FGFR1OP2: variants seen among roughly 807,000 people sequenced by gnomAD.
The protein encoded by FGFR1OP2 is FGFR1 oncogene partner 2.
Under a neutral mutation model 35.2 loss-of-function variants are expected in FGFR1OP2, and 17 were observed. That is an observed-to-expected ratio of 0.48 (90% confidence interval 0.33 to 0.73). The LOEUF is 0.73. FGFR1OP2 is among the 30% of genes least tolerant of loss of function. FGFR1OP2 has a pLI of 0.02. For synonymous variants in FGFR1OP2, 105 were observed against 104.6 expected (o/e 1.00, Z -0.03); for missense variants, 251 against 307.3 (o/e 0.82, Z 1.37).
chr12:26,954,239 A>G lies in FGFR1OP2; in HGVS notation c.81A>G (p.Glu27=). 1.9e-6 allele frequency: 3 copies of G among 1,612,574 alleles called. No individual in the cohort carries two copies. Among genetic ancestry groups the G allele is most frequent in the Non-Finnish European group, 2.5e-6 (3 of 1,179,094 alleles). Residue 27 remains glutamate (E), a synonymous_variant, in exon 2 of 7, where the codon GAA becomes GAG. Coordinates refer to ENST00000229395, the MANE Select transcript of FGFR1OP2 (RefSeq NM_015633.3). ...ERLRDHDDAA[E]SLIEQTTALN... is the part of the protein sequence containing the mutation. Reference sequence around the variant, plus strand: ...TAAGAGATCATGACGATGCAGCAGAATCTCTGATTGAGCAAACCACAGCTC... The same window carrying G: ...TAAGAGATCATGACGATGCAGCAGAGTCTCTGATTGAGCAAACCACAGCTC...
intron 3 of FGFR1OP2, among the ~76,000 whole-genome samples, chr12:26,956,889 C>G (rs557401927): frequency 1.3e-5 from 2 of 152,268 alleles, no homozygotes; most frequent in South Asian, 4.1e-4. Context: ...CAGTCTCTTG[C>G]CTGAAATGTC....
At chr12:26,958,545 A>T (rs539190901) in intron 4 of FGFR1OP2, among the ~76,000 whole-genome samples, 2 of 152,366 alleles carry the variant, frequency 1.3e-5, no homozygotes, top group South Asian at 4.1e-4. Context: ...CTTGTTTATT[A>T]TAATGGAAAA....
At chr12:26,958,349 A>T (rs1939054458) in intron 4 of FGFR1OP2, among the ~76,000 whole-genome samples, 2 of 152,240 alleles carry the variant, frequency 1.3e-5, no homozygotes, top group African/African-American at 4.8e-5. Flanking sequence ...CAACCGAGTG[A>T]GACCCTGTCT....
chr12:26,964,497 G>C, intron 6 of FGFR1OP2, 99 bp from the exon 7 acceptor site: 1 of 1,362,574 alleles, frequency 7.3e-7, no homozygotes, highest in Non-Finnish European at 1.0e-6. Context: ...TTGCTTGTTT[G>C]TTATACCTTC....
At chr12:26,945,082 C>T (rs1334294528) in intron 1 of FGFR1OP2, among the ~76,000 whole-genome samples, 6 of 152,026 alleles carry the variant, frequency 3.9e-5, no homozygotes, top group African/African-American at 9.7e-5. Context: ...TCCCTTCTTT[C>T]CATTAGTAAT....
At chr12:26,963,224 A>G (rs1360858092) in intron 5 of FGFR1OP2, 118 bp from the exon 6 acceptor site, 1 of 560,398 alleles carries the variant, frequency 1.8e-6, no homozygotes, top group African/African-American at 1.9e-5. Flanking sequence ...TTTTATTCAT[A>G]TTAAGTGACA....
At position 26,957,752 on chromosome 12, in the gene FGFR1OP2, T is replaced by G. The variant is rs140545266; in HGVS notation, c.396+9T>G. The G allele has an allele frequency of 1.2e-3, 1,978 of 1,606,326 alleles. 18 individuals carry two copies. In the African/African-American group the frequency reaches 0.024, roughly 19 times the overall value. On this transcript the variant is annotated intron_variant, in intron 4 of 6. Coordinates refer to ENST00000229395, the MANE Select transcript of FGFR1OP2 (RefSeq NM_015633.3). ...AAGAGCAGCACTCCAAGGTAATCCA[T>G]TCTATAAATGTGACCTGAAATGGAA...
chr12:26,958,152 G>A (rs1411132999), intron 4 of FGFR1OP2, among the ~76,000 whole-genome samples: 1 of 152,192 alleles, frequency 6.6e-6, no homozygotes, highest in Non-Finnish European at 1.5e-5. Context: ...CTTGAGGCCA[G>A]AAGTTCAAGA....
chr12:26,940,757 T>A (rs1442525810), intron 1 of FGFR1OP2, among the ~76,000 whole-genome samples: 8 of 152,254 alleles, frequency 5.3e-5, no homozygotes, highest in African/African-American at 1.9e-4. Context: ...TAAACATTCA[T>A]TGATCTTACA....
At chr12:26,958,588 A>C (rs1180193060) in intron 4 of FGFR1OP2, among the ~76,000 whole-genome samples, 1 of 152,196 alleles carries the variant, frequency 6.6e-6, no homozygotes, top group Non-Finnish European at 1.5e-5. Flanking sequence ...CCAACATAGT[A>C]AAATTTTGCT....
At chr12:26,949,488 A>T (rs961432647) in intron 1 of FGFR1OP2, among the ~76,000 whole-genome samples, 1 of 152,132 alleles carries the variant, frequency 6.6e-6, no homozygotes, top group African/African-American at 2.4e-5. Context: ...CCAGTATCCT[A>T]TGCTATCCAA....
intron 1 of FGFR1OP2, among the ~76,000 whole-genome samples, chr12:26,943,487 G>A (rs1938769886): frequency 6.6e-6 from 1 of 151,952 alleles, no homozygotes; most frequent in African/African-American, 2.4e-5. Flanking sequence ...ATCTTGCTGG[G>A]ACTTTGACTG....
At chr12:26,947,784 C>T (rs1336762861) in intron 1 of FGFR1OP2, among the ~76,000 whole-genome samples, 1 of 152,096 alleles carries the variant, frequency 6.6e-6, no homozygotes, top group Non-Finnish European at 1.5e-5. Flanking sequence ...CTGTCTTAAT[C>T]TTATCTAAAT....
At chr12:26,956,042 C>CATCAGCTA (rs1939013306) in intron 2 of FGFR1OP2, among the ~76,000 whole-genome samples, 1 of 151,812 alleles carries the variant, frequency 6.6e-6, no homozygotes, top group Admixed American at 6.6e-5. Flanking sequence ...AAAAAAAGCT[C>CATCAGCTA]ATCAGCTATC....
intron 1 of FGFR1OP2, among the ~76,000 whole-genome samples, chr12:26,950,957 A>T (rs1938919050): frequency 6.6e-6 from 1 of 152,208 alleles, no homozygotes; most frequent in South Asian, 2.1e-4. Flanking sequence ...AGAGAGTAGC[A>T]ATATTTCATG....
chr12:26,944,060 A>T (rs535694116), intron 1 of FGFR1OP2, among the ~76,000 whole-genome samples: 23 of 149,214 alleles, frequency 1.5e-4, no homozygotes, highest in Admixed American at 1.1e-3. Flanking sequence ...TGTGTGTTTT[A>T]AAAAAAAAAG....
chr12:26,957,527 G>A (rs1939040753), intron 3 of FGFR1OP2, 74 bp from the exon 4 acceptor site: 1 of 1,337,336 alleles, frequency 7.5e-7, no homozygotes, highest in Non-Finnish European at 1.0e-6. Flanking sequence ...CCGTTCATAA[G>A]TTGCTTAGTG....
chr12:26,956,500 ATTTGCAGG>A, intron 2 of FGFR1OP2, 35 bp from the exon 3 acceptor site: 10 of 494,374 alleles, frequency 2.0e-5, no homozygotes, highest in Non-Finnish European at 3.4e-5. Context: ...ATATATATAT[ATTTGCAGG>A]TATTTTCATC....
chr12:26,949,228 C>G (rs1938876148), intron 1 of FGFR1OP2, among the ~76,000 whole-genome samples: 2 of 152,018 alleles, frequency 1.3e-5, no homozygotes, highest in African/African-American at 4.8e-5. Flanking sequence ...CTCCACCTCC[C>G]AGGTACAAGC....
Sources: gnomAD v4.1 joint callset for allele counts (sites outside exome capture counted in the v4.1 genomes callset) on GRCh38, gnomAD v4.1.1 for gene constraint, MANE v1.5 for transcripts, NCBI Gene and HGNC (gene_info 2026-07-23, HGNC 2026-07-21) for gene names.